Variants in SGCD observed in about 807,000 individuals in gnomAD.
The protein encoded by SGCD is sarcoglycan delta, also known as delta-sarcoglycan.
SGCD carries 18 observed loss-of-function variants against 36.6 expected under a neutral mutation model. The ratio of observed to expected loss-of-function variants is 0.49; its 90% CI spans 0.34 to 0.73. The LOEUF (loss-of-function observed/expected upper bound fraction) is 0.73. Ranked by LOEUF, SGCD falls within the 30% of genes least tolerant of loss-of-function variation. SGCD has a pLI of 0.01. For missense variants in SGCD, 387 were observed against 346.7 expected (o/e 1.12, Z -0.92); for synonymous variants, 133 against 130.6 (o/e 1.02, Z -0.12).
At chr5:155,772,819 A>G in the SGCD span, among the ~76,000 whole-genome samples, 1 of 151,792 alleles carries the variant, frequency 6.6e-6, no homozygotes, top group African/African-American at 2.4e-5. Flanking sequence ...CCAACTTCCT[A>G]CTAACCCCTA....
intron 4 of SGCD, among the ~76,000 whole-genome samples, chr5:156,537,257 A>G (rs768427179): frequency 1.3e-5 from 2 of 152,044 alleles, no homozygotes; most frequent in Non-Finnish European, 2.9e-5. Context: ...GTGTTTTGTG[A>G]AAAATGATCA....
chr5:156,613,227 C>T (rs1427570624), intron 6 of SGCD, among the ~76,000 whole-genome samples: 2 of 152,172 alleles, frequency 1.3e-5, no homozygotes, highest in African/African-American at 4.8e-5. Context: ...CACCTGGCAA[C>T]TCTAGTCAGC....
intron 7 of SGCD, among the ~76,000 whole-genome samples, chr5:156,744,496 G>C (rs191167432): frequency 6.6e-6 from 1 of 152,126 alleles, no homozygotes; most frequent in Non-Finnish European, 1.5e-5. Flanking sequence ...GGAGATTGTC[G>C]TGGGTTCCAG....
At chr5:155,943,104 A>G (rs1460639547) in intron 1 of SGCD, among the ~76,000 whole-genome samples, 1 of 152,206 alleles carries the variant, frequency 6.6e-6, no homozygotes, top group Non-Finnish European at 1.5e-5. Context: ...GATTTTCCAT[A>G]GAGGTTAGGA....
At chr5:156,351,213 G>A (rs1035529804) in intron 3 of SGCD, among the ~76,000 whole-genome samples, 1 of 152,156 alleles carries the variant, frequency 6.6e-6, no homozygotes, top group Admixed American at 6.5e-5. Context: ...TCCATTTGAT[G>A]TGTTAACATA....
At chr5:156,288,031 C>T (rs1158193569) in intron 3 of SGCD, among the ~76,000 whole-genome samples, 1 of 152,136 alleles carries the variant, frequency 6.6e-6, no homozygotes, top group African/African-American at 2.4e-5. Context: ...TCAAAACATT[C>T]TATGAGGACT....
chr5:156,424,018 G>A lies in SGCD; in HGVS notation c.192+79341G>A, dbSNP rs370440310. On this transcript the variant is annotated intron_variant, in intron 3 of 8. Transcript: ENST00000337851. Reference sequence around the variant, plus strand: ...ATGAGTTGATCCTACTCCTCTGTTCGTGGCACATCACTATTATTGATCTGT... The same window carrying A: ...ATGAGTTGATCCTACTCCTCTGTTCATGGCACATCACTATTATTGATCTGT... Among the ~76,000 whole-genome samples, 11 of 151,962 alleles carry A rather than the reference G, an allele frequency of 7.2e-5. No homozygotes were observed. The East Asian group carries it at 7.7e-4, about 11-fold the overall frequency.
At chr5:155,963,203 A>C (rs1757826198) in intron 1 of SGCD, among the ~76,000 whole-genome samples, 2 of 152,138 alleles carry the variant, frequency 1.3e-5, no homozygotes, top group Admixed American at 1.3e-4. Context: ...CCAACCCATC[A>C]TAAATGTTCA....
At chr5:156,061,919 C>CTTTTTAT (rs1760220612) in intron 1 of SGCD, among the ~76,000 whole-genome samples, 1 of 71,758 alleles carries the variant, frequency 1.4e-5, no homozygotes, top group Non-Finnish European at 2.6e-5. Context: ...GGAGTTTTCA[C>CTTTTTAT]TTTTTTTTTT....
At chr5:155,801,892 A>C in the SGCD span, among the ~76,000 whole-genome samples, 1 of 152,192 alleles carries the variant, frequency 6.6e-6, no homozygotes, top group African/African-American at 2.4e-5. Context: ...GGATAATTGT[A>C]ATCATAATTC....
chr5:156,655,486 T>C (rs1200188787), intron 7 of SGCD, among the ~76,000 whole-genome samples: 1 of 152,158 alleles, frequency 6.6e-6, no homozygotes, highest in African/African-American at 2.4e-5. Flanking sequence ...ATTTACTGTA[T>C]TTGCAGTCTT....
intron 3 of SGCD, among the ~76,000 whole-genome samples, chr5:156,261,670 C>T (rs1424808001): frequency 1.3e-5 from 2 of 152,016 alleles, no homozygotes; most frequent in African/African-American, 2.4e-5. Flanking sequence ...GCATGTCGTT[C>T]AGGAGGTATT....
intron 3 of SGCD, among the ~76,000 whole-genome samples, chr5:156,356,449 C>T (rs1266412879): frequency 3.3e-5 from 5 of 152,200 alleles, no homozygotes; most frequent in African/African-American, 1.2e-4. Context: ...GGTTGCTAAA[C>T]TCTAGAATAT....
At chr5:156,576,834 A>G (rs1239181374) in intron 4 of SGCD, among the ~76,000 whole-genome samples, 1 of 152,084 alleles carries the variant, frequency 6.6e-6, no homozygotes, top group African/African-American at 2.4e-5. Flanking sequence ...TTAGATGGGT[A>G]GATTGCAACA....
At chr5:156,254,767 G>A (rs1202223825) in intron 3 of SGCD, among the ~76,000 whole-genome samples, 2 of 152,120 alleles carry the variant, frequency 1.3e-5, no homozygotes, top group Non-Finnish European at 2.9e-5. Context: ...GAATCTCTTG[G>A]GCCCAGAGGT....
chr5:156,715,411 C>T (rs61092746), intron 7 of SGCD, among the ~76,000 whole-genome samples: 5 of 152,294 alleles, frequency 3.3e-5, no homozygotes, highest in African/African-American at 1.2e-4. Flanking sequence ...ACTTGTTACA[C>T]TTGCACAATT....
chr5:156,647,414 G>T lies in SGCD; in HGVS notation c.503-50G>T, dbSNP rs547385035. ...AATCAGTGTGCTGATTGTGCCTACA[G>T]GTGACTCCAGTATCTCCAATCTCTG... is the stretch of plus-strand genomic sequence containing the variant. On this transcript the variant is annotated intron_variant, in intron 6 of 8. Coordinates refer to ENST00000337851, the MANE Select transcript of SGCD (RefSeq NM_000337.6). The T allele has an allele frequency of 1.9e-5, 25 of 1,298,750 alleles. No individual in the cohort carries two copies. In the African/African-American group the frequency reaches 2.5e-4, roughly 13 times the overall value. 80.5% of individuals were successfully genotyped at this position (1,298,750 alleles called of 1,614,324 possible). A position where few individuals can be genotyped will look rare whatever the true frequency, so the allele number is the denominator to read the frequency against.
chr5:156,076,637 A>G (rs1760792235), intron 1 of SGCD, among the ~76,000 whole-genome samples: 2 of 152,190 alleles, frequency 1.3e-5, no homozygotes, highest in South Asian at 2.1e-4. Context: ...TTCAGTTACT[A>G]TATCAGTAGC....
At chr5:156,042,287 A>T (rs1007265083) in intron 1 of SGCD, among the ~76,000 whole-genome samples, 4 of 151,988 alleles carry the variant, frequency 2.6e-5, no homozygotes, top group African/African-American at 4.8e-5. Context: ...GGCATTTCAT[A>T]GATGACAAAA....
Sources: allele counts gnomAD v4.1 joint callset (sites outside exome capture counted in the v4.1 genomes callset), GRCh38; gene constraint gnomAD v4.1.1; transcripts MANE v1.5; gene names NCBI Gene and HGNC (gene_info 2026-07-23, HGNC 2026-07-21).